The following ST3GAL3 variants were observed in gnomAD, a reference collection of about 807,000 sequenced individuals.
ST3GAL3 encodes the protein ST3 beta-galactoside alpha-2,3-sialyltransferase 3.
In ST3GAL3, 21 loss-of-function variants were observed where a neutral mutation model predicts 50.1. The ratio of observed to expected loss-of-function variants is 0.42; its 90% CI spans 0.30 to 0.60. The LOEUF is 0.60. ST3GAL3 is among the 20% of genes least tolerant of loss of function. ST3GAL3 has a pLI of 0.19. For missense variants in ST3GAL3, 353 were observed against 489.4 expected, an observed-to-expected ratio of 0.72 and a Z score of 2.63; for synonymous variants, 183 against 190.0, an observed-to-expected ratio of 0.96 and a Z score of 0.30.
At chr1:43,805,076 T>C (rs2059722094) in intron 3 of ST3GAL3, among the ~76,000 whole-genome samples, 2 of 152,136 alleles carry the variant, frequency 1.3e-5, no homozygotes, top group African/African-American at 4.8e-5. Context: ...GCTAGGATAG[T>C]TTAATTGAAA....
chr1:43,748,238 A>G (rs924974982), intron 2 of ST3GAL3, among the ~76,000 whole-genome samples: 2 of 152,168 alleles, frequency 1.3e-5, no homozygotes, highest in Admixed American at 6.5e-5. Context: ...ATTATTTGCA[A>G]TAGCATCAAA....
intron 4 of ST3GAL3, chr1:43,824,629 C>A: frequency 7.0e-7 from 1 of 1,422,444 alleles, no homozygotes; most frequent in Non-Finnish European, 9.9e-7. Context: ...TTCTTTGCTT[C>A]ATGACATCTA....
In ST3GAL3 at chr1:43,920,771, C is replaced by G. The variant is rs2082894822; in HGVS notation, c.892-11C>G. On this transcript the variant is annotated splice_polypyrimidine_tract_variant and intron_variant, in intron 10 of 11. Transcript: ENST00000347631. ...TGCATGCCTTCTCTCACCCCTGCCC[C>G]CGTCTTCTAGAACATCCCTACCCTT... 2 of 1,614,058 alleles carry G rather than the reference C, an allele frequency of 1.2e-6. No homozygotes were observed. Among genetic ancestry groups the G allele is most frequent in the Non-Finnish European group, 1.7e-6 (2 of 1,180,042 alleles).
chr1:43,923,882 TG>T lies in ST3GAL3; in HGVS notation c.1038+2957del, dbSNP rs2083466793. On this transcript the variant is annotated intron_variant, in intron 11 of 11. Coordinates refer to ENST00000347631, the MANE Select transcript of ST3GAL3 (RefSeq NM_006279.5). Reference sequence around the variant, plus strand: ...CTCCTGCCTTGGCCTCTCAAAGCGCTGGGATTATAGGCATGAGTCACTGCAC... The same window carrying T: ...CTCCTGCCTTGGCCTCTCAAAGCGCTGGATTATAGGCATGAGTCACTGCAC... Among the ~76,000 whole-genome samples, 3 of 152,100 alleles carry T rather than the reference TG, an allele frequency of 2.0e-5. No individual in the cohort carries two copies. In the South Asian group the frequency reaches 6.2e-4, roughly 31 times the overall value.
In ST3GAL3 at chr1:43,737,200, A is replaced by G. The variant is rs1337810627; in HGVS notation, c.118+820A>G. ...GTGTGGGAAATAGTATAAAATCAGA[A>G]CAGAGTGGCCTGTTTTGACCTGCAG... On this transcript the variant is annotated intron_variant, in intron 2 of 11. Coordinates refer to ENST00000347631, the MANE Select transcript of ST3GAL3 (RefSeq NM_006279.5). This position sits in a 1 kb window ranked among gnomAD's most constrained non-coding sequence, Gnocchi z 4.0. The G allele has an allele frequency of 2.0e-5, 3 of 152,414 alleles. No homozygotes were observed. The highest frequency in any genetic ancestry group is 2.9e-5 in the Non-Finnish European group (2 of 68,306). 9.4% of individuals were successfully genotyped at this position (152,414 alleles called of 1,614,324 possible). A position where few individuals can be genotyped will look rare whatever the true frequency, so the allele number is the denominator to read the frequency against.
chr1:43,898,372 C>T (rs1246535672), intron 7 of ST3GAL3, 74 bp downstream of exon 7: 20 of 1,498,686 alleles, frequency 1.3e-5, no homozygotes, highest in Non-Finnish European at 1.8e-5. Flanking sequence ...CCCAGCTGGC[C>T]TTCCCTGGAC....
At chr1:43,778,197 T>C (rs1367526417) in intron 2 of ST3GAL3, among the ~76,000 whole-genome samples, 1 of 152,202 alleles carries the variant, frequency 6.6e-6, no homozygotes, top group Non-Finnish European at 1.5e-5. Context: ...AAAAACCGTA[T>C]GTTCTCATTT....
At chr1:43,744,272 C>T (rs1682475313) in intron 2 of ST3GAL3, among the ~76,000 whole-genome samples, 1 of 151,442 alleles carries the variant, frequency 6.6e-6, no homozygotes, top group East Asian at 1.9e-4. Flanking sequence ...TTTTTTTAGA[C>T]AGAATCTTGC....
chr1:43,720,151 C>G (rs79675226), intron 1 of ST3GAL3, among the ~76,000 whole-genome samples: 5,238 of 151,932 alleles, frequency 0.034, 307 homozygotes, highest in African/African-American at 0.12. Flanking sequence ...ATCGCTTGAG[C>G]CTAGGAGGTT....
intron 5 of ST3GAL3, among the ~76,000 whole-genome samples, chr1:43,867,269 A>G (rs1019194003): frequency 1.3e-5 from 2 of 152,242 alleles, no homozygotes; most frequent in Admixed American, 1.3e-4. Flanking sequence ...TTACAATTCA[A>G]GATGAAACTT....
At chr1:43,887,656 G>T (rs1558736587) in intron 5 of ST3GAL3, among the ~76,000 whole-genome samples, 1 of 152,160 alleles carries the variant, frequency 6.6e-6, no homozygotes, top group Non-Finnish European at 1.5e-5. Context: ...AAATAATTGA[G>T]CAAGAATTGG....
intron 3 of ST3GAL3, among the ~76,000 whole-genome samples, chr1:43,813,185 G>A (rs2060773267): frequency 6.6e-6 from 1 of 152,142 alleles, no homozygotes; most frequent in South Asian, 2.1e-4. Context: ...GCCTAAGTAT[G>A]GATTAATTGT....
At chr1:43,784,982 A>C (rs1035090488) in intron 2 of ST3GAL3, among the ~76,000 whole-genome samples, 4 of 152,092 alleles carry the variant, frequency 2.6e-5, no homozygotes, top group Non-Finnish European at 2.9e-5. Flanking sequence ...CCATATTATC[A>C]CATCCTCCTA....
At chr1:43,795,141 A>C (rs1475934803) in intron 3 of ST3GAL3, among the ~76,000 whole-genome samples, 1 of 152,216 alleles carries the variant, frequency 6.6e-6, no homozygotes, top group Admixed American at 6.5e-5. Flanking sequence ...TGTACAGCTA[A>C]TAATGTTCAA....
intron 4 of ST3GAL3, among the ~76,000 whole-genome samples, chr1:43,819,637 TA>T (rs1316746431): frequency 1.1e-4 from 14 of 132,202 alleles, no homozygotes; most frequent in South Asian, 2.5e-4. Context: ...AATACTCCTT[TA>T]AAAAAATGGA....
At chr1:43,925,852 T>C (rs1198832819) in intron 11 of ST3GAL3, among the ~76,000 whole-genome samples, 1 of 152,190 alleles carries the variant, frequency 6.6e-6, no homozygotes. Context: ...AATGTGGTGC[T>C]GGGAAACCCA....
chr1:43,754,715 G>A (rs905315020), intron 2 of ST3GAL3, among the ~76,000 whole-genome samples: 15 of 152,084 alleles, frequency 9.9e-5, no homozygotes, highest in African/African-American at 3.4e-4. Context: ...GCAGCACTTC[G>A]GGAAGATGAG....
chr1:43,816,313 C>G (rs1269445768), intron 4 of ST3GAL3, among the ~76,000 whole-genome samples: 1 of 152,128 alleles, frequency 6.6e-6, no homozygotes, highest in Non-Finnish European at 1.5e-5. Flanking sequence ...GTGCCTCATA[C>G]TATGAGTTCA....
intron 4 of ST3GAL3, among the ~76,000 whole-genome samples, chr1:43,829,771 TC>T (rs2063286305): frequency 1.3e-5 from 2 of 152,114 alleles, no homozygotes; most frequent in Admixed American, 6.6e-5. Flanking sequence ...GTCTGCCTCC[TC>T]CATACCTTGT....
Sources: allele counts gnomAD v4.1 joint callset (sites outside exome capture counted in the v4.1 genomes callset), GRCh38; gene constraint gnomAD v4.1.1; non-coding constraint Gnocchi (gnomAD v3.1); transcripts MANE v1.5; gene names NCBI Gene and HGNC (gene_info 2026-07-23, HGNC 2026-07-21).